KLRD1: variants seen among roughly 807,000 people sequenced by gnomAD.
The protein encoded by KLRD1 is natural killer cells antigen CD94.
KLRD1 carries 21 observed loss-of-function variants against 22.6 expected under a neutral mutation model. That is an observed-to-expected ratio of 0.93 (90% CI 0.66 to 1.34). KLRD1 has a LOEUF of 1.34. Among genes scored for constraint, KLRD1 ranks in the 40% most tolerant of loss-of-function variants. KLRD1 has a pLI of 0.00. For missense variants in KLRD1, 183 were observed against 208.6 expected (o/e 0.88, Z 0.76); for synonymous variants, 59 against 71.1 (o/e 0.83, Z 0.85).
chr12:10,241,933 G>T (rs1413326961), intron 1 of KLRD1, among the ~76,000 whole-genome samples: 1 of 152,048 alleles, frequency 6.6e-6, no homozygotes, highest in Admixed American at 6.5e-5. Flanking sequence ...TCTTCCTGTG[G>T]TGTTGGAAAG....
chr12:10,270,958 A>G (rs1949543695), intron 1 of KLRD1, among the ~76,000 whole-genome samples: 1 of 151,940 alleles, frequency 6.6e-6, no homozygotes, highest in African/African-American at 2.4e-5. Flanking sequence ...TAATTTTTGT[A>G]TTTTTAGTAG....
intron 1 of KLRD1, among the ~76,000 whole-genome samples, chr12:10,272,402 C>T (rs1364736669): frequency 6.6e-6 from 1 of 152,148 alleles, no homozygotes; most frequent in Non-Finnish European, 1.5e-5. Context: ...TTAGAAAATC[C>T]TGAACTCATT....
upstream of KLRD1, among the ~76,000 whole-genome samples, chr12:10,300,062 C>G (rs1263282664): frequency 1.3e-5 from 2 of 152,134 alleles, no homozygotes; most frequent in African/African-American, 4.8e-5. Flanking sequence ...ATTCTTCAAC[C>G]CCTCAAAGGC....
chr12:10,296,048 T>C (rs2137672174), intron 1 of KLRD1, among the ~76,000 whole-genome samples: 1 of 152,310 alleles, frequency 6.6e-6, no homozygotes, highest in African/African-American at 2.4e-5. Context: ...ATTTCTCATA[T>C]AACATGTAGA....
At chr12:10,249,832 G>A (rs1949328571) in intron 1 of KLRD1, among the ~76,000 whole-genome samples, 1 of 152,194 alleles carries the variant, frequency 6.6e-6, no homozygotes, top group Non-Finnish European at 1.5e-5. Flanking sequence ...CTTACTCTGA[G>A]CTCTGCTAAG....
At chr12:10,307,863 G>T, upstream of KLRD1, 1 of 538,902 alleles carries the variant, frequency 1.9e-6, no homozygotes. Context: ...TGATTCTACT[G>T]CTTCTTATTC....
chr12:10,302,420 C>G (rs549258071), upstream of KLRD1, among the ~76,000 whole-genome samples: 123 of 152,306 alleles, frequency 8.1e-4, no homozygotes, highest in African/African-American at 2.9e-3. Context: ...TGCAGCCTCC[C>G]TTCTCATGCA....
At chr12:10,239,451 TTCC>T (rs1487024485) in intron 1 of KLRD1, among the ~76,000 whole-genome samples, 1,265 of 43,684 alleles carry the variant, frequency 0.029, 116 homozygotes, top group African/African-American at 0.074. Context: ...CCTTCCTTCC[TTCC>T]TTCCTTCCTT....
intron 1 of KLRD1, among the ~76,000 whole-genome samples, chr12:10,283,725 CAT>C (rs1333156629): frequency 5.9e-5 from 9 of 151,902 alleles, no homozygotes; most frequent in South Asian, 2.1e-4. Flanking sequence ...GGTGGTGAAA[CAT>C]GTGTTGCAGG....
upstream of KLRD1, among the ~76,000 whole-genome samples, chr12:10,302,657 A>G (rs929853599): frequency 6.6e-5 from 10 of 152,102 alleles, no homozygotes; most frequent in African/African-American, 2.4e-4. Context: ...GGGGCAGTGA[A>G]ACCATAAGGG....
intron 1 of KLRD1, among the ~76,000 whole-genome samples, chr12:10,282,550 T>A (rs1949655915): frequency 6.6e-6 from 1 of 152,122 alleles, no homozygotes; most frequent in African/African-American, 2.4e-5. Flanking sequence ...AGCCACCACA[T>A]CTGGCAAATA....
At chr12:10,288,848 A>G (rs1212127731) in intron 1 of KLRD1, among the ~76,000 whole-genome samples, 1 of 152,254 alleles carries the variant, frequency 6.6e-6, no homozygotes, top group Non-Finnish European at 1.5e-5. Flanking sequence ...TTGAGAATGT[A>G]TAAAGTGTTT....
In KLRD1 at chr12:10,307,954, A is replaced by C; in HGVS notation, c.-124A>C. 1.2e-6 allele frequency: 1 copy of C among 864,670 alleles called. No individual in the cohort carries two copies. Among genetic ancestry groups the C allele is most frequent in the South Asian group, 1.5e-5 (1 of 68,538 alleles). 53.6% of individuals were successfully genotyped at this position (864,670 alleles called of 1,614,324 possible). On this transcript the variant is annotated 5_prime_UTR_variant, in exon 1 of 6. The change abolishes the stop of an existing upstream ORF in the 5' untranslated region. Coordinates refer to ENST00000336164, the MANE Select transcript of KLRD1 (RefSeq NM_002262.5). ...AATTTTTCATTCTCTATTTTTGCTA[A>C]ATTTCTTCATACTCAACTTTCAGAT...
chr12:10,295,951 A>G (rs950108337), intron 1 of KLRD1, among the ~76,000 whole-genome samples: 17 of 152,210 alleles, frequency 1.1e-4, no homozygotes, highest in African/African-American at 3.9e-4. Flanking sequence ...CAATTGTTTT[A>G]GTCAATGACC....
rs1180224997 is a variant in KLRD1, at chr12:10,329,560, T to C, written c.*14767T>C. On this transcript the variant is annotated 3_prime_UTR_variant, in exon 6 of 6. Coordinates refer to ENST00000336164, the MANE Select transcript of KLRD1 (RefSeq NM_002262.5). ...CAGGTCATCTGGGTCTTTGTTGCCTTTATGTTTGGTTGTTCTATCCATTAT... is the reference window on the plus strand; with the variant it reads ...CAGGTCATCTGGGTCTTTGTTGCCTCTATGTTTGGTTGTTCTATCCATTAT... 2 of 152,152 alleles carry C rather than the reference T, an allele frequency of 1.3e-5. No homozygotes were observed. The highest frequency in any genetic ancestry group is 3.9e-4 in the East Asian group (2 of 5,188). 9.4% of individuals were successfully genotyped at this position (152,152 alleles called of 1,614,324 possible). A position where few individuals can be genotyped will look rare whatever the true frequency, so the allele number is the denominator to read the frequency against.
rs1300366683 is a variant in KLRD1 at position 10,322,515 on chromosome 12, A to G, written c.*7722A>G. The G allele has an allele frequency of 1.3e-5, 2 of 151,892 alleles. No individual in the cohort carries two copies. The highest frequency in any genetic ancestry group is 2.9e-5 in the Non-Finnish European group (2 of 67,968). 9.4% of individuals were successfully genotyped at this position (151,892 alleles called of 1,614,324 possible). On this transcript the variant is annotated 3_prime_UTR_variant, in exon 6 of 6. Coordinates refer to ENST00000336164, the MANE Select transcript of KLRD1 (RefSeq NM_002262.5). ...TTATGTTGTATAACCCATGAGTGTCACTTTATTCTCATTGGAAATATCCTC... is the reference window on the plus strand; with the variant it reads ...TTATGTTGTATAACCCATGAGTGTCGCTTTATTCTCATTGGAAATATCCTC...
At chr12:10,310,489 T>A (rs147237701) in intron 3 of KLRD1, among the ~76,000 whole-genome samples, 294 of 152,314 alleles carry the variant, frequency 1.9e-3, no homozygotes, top group African/African-American at 6.6e-3. Context: ...ATCTTGATTA[T>A]ATAGTGTTTA....
chr12:10,258,818 T>C (rs1949422888), intron 1 of KLRD1, among the ~76,000 whole-genome samples: 2 of 152,170 alleles, frequency 1.3e-5, no homozygotes, highest in Non-Finnish European at 1.5e-5. Flanking sequence ...CACAAATGCA[T>C]ATGGCTATCT....
chr12:10,301,130 A>G (rs1442981722), upstream of KLRD1, among the ~76,000 whole-genome samples: 2 of 152,114 alleles, frequency 1.3e-5, no homozygotes, highest in African/African-American at 4.8e-5. Context: ...GAAAAATCCA[A>G]CTAGGCTTGC....
Sources: gnomAD v4.1 joint callset for allele counts (sites outside exome capture counted in the v4.1 genomes callset) on GRCh38, gnomAD v4.1.1 for gene constraint, MANE v1.5 for transcripts, NCBI Gene and HGNC (gene_info 2026-07-23, HGNC 2026-07-21) for gene names.